Variants in TNNI3K observed in about 807,000 individuals in gnomAD.
The protein encoded by TNNI3K is serine/threonine-protein kinase TNNI3K.
A neutral mutation model predicts 114.5 loss-of-function variants in TNNI3K; 140 were observed. That is an observed-to-expected ratio of 1.22 (90% CI 1.07 to 1.41). The LOEUF is 1.41. Among genes scored for constraint, TNNI3K ranks in the 40% most tolerant of loss-of-function variants. The pLI is 0.00. For synonymous variants in TNNI3K, 347 were observed against 347.5 expected, an observed-to-expected ratio of 1.00 and a Z score of 0.02; for missense variants, 1,125 against 1,007.6, an observed-to-expected ratio of 1.12 and a Z score of -1.58.
At chr1:74,397,495 G>A (rs942538841) in intron 17 of TNNI3K, among the ~76,000 whole-genome samples, 2 of 152,140 alleles carry the variant, frequency 1.3e-5, no homozygotes, top group Non-Finnish European at 2.9e-5. Flanking sequence ...AAATCAAAGA[G>A]CTGGAAGATG....
rs559493454 is a variant in TNNI3K, at chr1:74,311,941, C to T, written c.445-19509C>T. Among the ~76,000 whole-genome samples, 4 of 152,168 alleles carry T rather than the reference C, an allele frequency of 2.6e-5. No individual in the cohort carries two copies. The East Asian group carries it at 5.8e-4, about 22-fold the overall frequency. ...ATTAACTATGAATATTTGTATTATG[C>T]CTCATTAACATTATAAAGTTAACAG... On this transcript the variant is annotated intron_variant, in intron 5 of 24. Transcript: ENST00000326637.
At chr1:74,345,341 A>G (rs1660950301) in intron 9 of TNNI3K, among the ~76,000 whole-genome samples, 1 of 152,146 alleles carries the variant, frequency 6.6e-6, no homozygotes, top group Non-Finnish European at 1.5e-5. Flanking sequence ...CAGTCCTTAA[A>G]GGAGCCCTAT....
intron 3 of TNNI3K, 61 bp from the exon 4 acceptor site, chr1:74,250,611 A>C: frequency 1.3e-6 from 2 of 1,494,486 alleles, no homozygotes; most frequent in South Asian, 2.5e-5. Context: ...TAGGTCAAAA[A>C]GAGTCTCAAA....
chr1:74,396,039 T>A (rs1313155214), intron 17 of TNNI3K, among the ~76,000 whole-genome samples: 2 of 152,142 alleles, frequency 1.3e-5, no homozygotes, highest in African/African-American at 4.8e-5. Flanking sequence ...GTTGGATTAG[T>A]GAATTAACCC....
intron 23 of TNNI3K, among the ~76,000 whole-genome samples, chr1:74,509,747 CTTTTTTTTTTTTTTT>C (rs68193106): frequency 3.3e-4 from 16 of 47,788 alleles, no homozygotes; most frequent in Admixed American, 1.5e-3. Flanking sequence ...ATCTGAATTT[CTTTTTTTTTTTTTTT>C]TTTTTTTTTT....
chr1:74,362,092 C>T (rs1661999559), intron 11 of TNNI3K, among the ~76,000 whole-genome samples: 1 of 152,026 alleles, frequency 6.6e-6, no homozygotes, highest in Admixed American at 6.6e-5. Flanking sequence ...TTTTTGTCGC[C>T]TCTGATCTAA....
At chr1:74,412,240 A>AT (rs1365690210) in intron 17 of TNNI3K, among the ~76,000 whole-genome samples, 1 of 152,026 alleles carries the variant, frequency 6.6e-6, no homozygotes, top group Non-Finnish European at 1.5e-5. Context: ...TAATTCCATT[A>AT]TTCTTTGGTA....
intron 20 of TNNI3K, among the ~76,000 whole-genome samples, chr1:74,461,969 G>A (rs1471107340): frequency 6.6e-6 from 1 of 152,042 alleles, no homozygotes; most frequent in African/African-American, 2.4e-5. Context: ...ATGAGAAAAT[G>A]CTTCATTGCT....
At chr1:74,280,651 A>G (rs1177009780) in intron 5 of TNNI3K, among the ~76,000 whole-genome samples, 1 of 152,214 alleles carries the variant, frequency 6.6e-6, no homozygotes, top group Non-Finnish European at 1.5e-5. Flanking sequence ...CTCAGCCAGA[A>G]GGTAACCCTC....
intron 5 of TNNI3K, among the ~76,000 whole-genome samples, chr1:74,280,081 T>G (rs549842052): frequency 6.6e-6 from 1 of 152,076 alleles, no homozygotes; most frequent in East Asian, 1.9e-4. Flanking sequence ...GGTTTTAACA[T>G]CAAGAAAAGA....
intron 5 of TNNI3K, among the ~76,000 whole-genome samples, chr1:74,312,577 A>G (rs472013): frequency 0.99 from 150,995 of 152,362 alleles, 74,839 homozygotes; most frequent in Middle Eastern, 1. Context: ...ATAAACACAA[A>G]GCCGAGAGGA....
chr1:74,492,354 G>A (rs1191032630), intron 23 of TNNI3K, 88 bp downstream of exon 23: 9 of 1,331,344 alleles, frequency 6.8e-6, no homozygotes, highest in Non-Finnish European at 8.7e-6. Context: ...CTATTAACAG[G>A]GTTTGATTAC....
intron 4 of TNNI3K, among the ~76,000 whole-genome samples, chr1:74,257,047 A>G (rs1387195359): frequency 6.6e-6 from 1 of 152,090 alleles, no homozygotes; most frequent in Non-Finnish European, 1.5e-5. Context: ...AATTTTCCAC[A>G]TATCACTGAG....
intron 5 of TNNI3K, among the ~76,000 whole-genome samples, chr1:74,305,773 T>C (rs147137702): frequency 1.3e-5 from 2 of 152,314 alleles, no homozygotes; most frequent in East Asian, 3.9e-4. Context: ...AAGAACTCAT[T>C]AAAAATACAT....
At chr1:74,288,926 A>G (rs1236553209) in intron 5 of TNNI3K, among the ~76,000 whole-genome samples, 1 of 152,070 alleles carries the variant, frequency 6.6e-6, no homozygotes, top group African/African-American at 2.4e-5. Context: ...ATAAAGGTGG[A>G]AAAATAAATT....
intron 5 of TNNI3K, among the ~76,000 whole-genome samples, chr1:74,305,846 A>G (rs1658600559): frequency 6.6e-6 from 1 of 152,208 alleles, no homozygotes; most frequent in Admixed American, 6.5e-5. Context: ...TCATACTTTT[A>G]ATATGGAACC....
At chr1:74,514,976 T>C (rs1646328367) in intron 23 of TNNI3K, among the ~76,000 whole-genome samples, 1 of 151,982 alleles carries the variant, frequency 6.6e-6, no homozygotes. Flanking sequence ...AAGAATGGCA[T>C]GTGAAGATGA....
Position 74,357,094 on chromosome 1 carries a change from C to T in TNNI3K, c.1177+2965C>T, listed in dbSNP as rs143568045. 2.6e-5 allele frequency among the ~76,000 whole-genome samples: 4 copies of T among 152,234 alleles called. No homozygotes were observed. The East Asian group carries it at 7.7e-4, about 29-fold the overall frequency. On this transcript the variant is annotated intron_variant, in intron 11 of 24. Transcript: ENST00000326637. ...GTCAGCAGTGCACCTGTCCCCGTAT[C>T]CTTTGAAACAAGAAGTGCTTCCCTG...
At chr1:74,275,275 C>T (rs1230708628) in intron 5 of TNNI3K, among the ~76,000 whole-genome samples, 1 of 151,964 alleles carries the variant, frequency 6.6e-6, no homozygotes, top group Non-Finnish European at 1.5e-5. Context: ...AAGCAAGTCA[C>T]GTCTTACATG....
Sources: gnomAD v4.1 joint callset for allele counts (sites outside exome capture counted in the v4.1 genomes callset) on GRCh38, gnomAD v4.1.1 for gene constraint, MANE v1.5 for transcripts, NCBI Gene and HGNC (gene_info 2026-07-23, HGNC 2026-07-21) for gene names.